The following SNX1 variants were observed in gnomAD, a reference collection of about 807,000 sequenced individuals.
The protein encoded by SNX1 is sorting nexin-1.
Under a neutral mutation model 71.8 loss-of-function variants are expected in SNX1, and 36 were observed. That is an observed-to-expected ratio of 0.50 (90% CI 0.38 to 0.66). The LOEUF is 0.66. Among genes scored for constraint, SNX1 ranks in the 30% least tolerant of loss-of-function variants. The pLI, the probability that SNX1 is intolerant of heterozygous loss-of-function variation, is 0.00. For missense variants in SNX1, 612 were observed against 646.7 expected (o/e 0.95, Z 0.58); for synonymous variants, 254 against 240.7 (o/e 1.06, Z -0.51).
At position 64,131,574 on chromosome 15, in the gene SNX1, GT is replaced by G. The variant is rs1848060447; in HGVS notation, c.1016-111del. The G allele has an allele frequency of 2.1e-5, 20 of 952,230 alleles. 1 individual carries two copies. The South Asian group carries it at 3.0e-4, about 14-fold the overall frequency. The allele number at this position is 952,230 out of a possible 1,614,324, so 59.0% of individuals were successfully genotyped here. A position where few individuals can be genotyped will look rare whatever the true frequency, so the allele number is the denominator to read the frequency against. On this transcript the variant is annotated intron_variant, in intron 10 of 14. Transcript: ENST00000559844. ...AAGTGACTGGGTTGCAGAGCCCTCA[GT>G]TCCCAGATATGCAGTGGGCGGCATT...
intron 4 of SNX1, among the ~76,000 whole-genome samples, chr15:64,122,659 T>G (rs1202045942): frequency 6.6e-6 from 1 of 151,990 alleles, no homozygotes; most frequent in Non-Finnish European, 1.5e-5. Context: ...CGGTTTGATG[T>G]GGGAAGGAAT....
At chr15:64,118,904 G>T in intron 4 of SNX1, 50 bp downstream of exon 4, 1 of 1,419,138 alleles carries the variant, frequency 7.0e-7, no homozygotes. Context: ...GCTGTGGAAA[G>T]CATAGGTAGC....
At chr15:64,135,496 G>A (rs2081349811) in intron 12 of SNX1, among the ~76,000 whole-genome samples, 1 of 148,690 alleles carries the variant, frequency 6.7e-6, no homozygotes, top group Non-Finnish European at 1.5e-5. Context: ...GGTGGCTCAC[G>A]CCTGTAATAC....
intron 1 of SNX1, among the ~76,000 whole-genome samples, chr15:64,103,899 CTAGTT>C (rs201725246): frequency 6.6e-6 from 1 of 152,094 alleles, no homozygotes; most frequent in African/African-American, 2.4e-5. Flanking sequence ...TGTTTAGTTA[CTAGTT>C]TAGTCATTTA....
In SNX1 at chr15:64,138,527, T is replaced by A; in HGVS notation, c.*909T>A. Reference sequence around the variant, plus strand: ...GTGTGAAGGTCTGATAATGACTTGATGCTTTGTCTCCATAGACATGAAAGC... The same window carrying A: ...GTGTGAAGGTCTGATAATGACTTGAAGCTTTGTCTCCATAGACATGAAAGC... On this transcript the variant is annotated 3_prime_UTR_variant, in exon 15 of 15. Coordinates refer to ENST00000559844, the MANE Select transcript of SNX1 (RefSeq NM_003099.5). The A allele has an allele frequency of 4.7e-6, 1 of 212,770 alleles. No individual in the cohort carries two copies. The highest frequency in any genetic ancestry group is 1.1e-4 in the East Asian group (1 of 9,300). 13.2% of individuals were successfully genotyped at this position (212,770 alleles called of 1,614,324 possible).
At chr15:64,126,004 T>C in intron 5 of SNX1, 75 bp from the exon 6 acceptor site, 2 of 1,487,804 alleles carry the variant, frequency 1.3e-6, no homozygotes, top group Non-Finnish European at 1.9e-6. Context: ...GTTTCTTTAA[T>C]GTCAATAGGA....
rs1254689405 is a variant in SNX1, at chr15:64,112,645, C to A, written c.232C>A (p.His78Asn). ...CAATGGCTCCAAAGAAAATGGGATCCATGAAGAACAAGACCAAGAGCCACA... is the reference window on the plus strand; with the variant it reads ...CAATGGCTCCAAAGAAAATGGGATCAATGAAGAACAAGACCAAGAGCCACA... ...INNGSKENGI[H>N]EEQDQEPQDL... The change falls in exon 2 of 15, where the codon CAT (histidine) becomes AAT (asparagine). Residue 78 changes from histidine (H) to asparagine (N), a missense_variant. Around this residue, in one of 2 missense-constraint regions of SNX1, gnomAD observed 316 missense variants for 284.9 expected, o/e 1.11. Transcript: ENST00000559844. 1 of 1,613,070 alleles carries A rather than the reference C, an allele frequency of 6.2e-7. No homozygotes were observed. The highest frequency in any genetic ancestry group is 8.5e-7 in the Non-Finnish European group (1 of 1,179,632).
intron 1 of SNX1, among the ~76,000 whole-genome samples, chr15:64,096,840 A>T (rs562083305): frequency 1.6e-4 from 24 of 152,334 alleles, no homozygotes; most frequent in Non-Finnish European, 3.1e-4. Flanking sequence ...CTGAAATGTG[A>T]TGAGGAAATG....
intron 1 of SNX1, among the ~76,000 whole-genome samples, chr15:64,102,668 G>A (rs2080974997): frequency 6.6e-6 from 1 of 150,788 alleles, no homozygotes; most frequent in African/African-American, 2.4e-5. Context: ...TTAACGTAAT[G>A]ACCTCCAGTT....
intron 2 of SNX1, among the ~76,000 whole-genome samples, chr15:64,116,777 G>T (rs1330701179): frequency 6.6e-6 from 1 of 152,166 alleles, no homozygotes; most frequent in Non-Finnish European, 1.5e-5. Flanking sequence ...AGTTGAAAGT[G>T]CATTCTTTTT....
rs1177717232 is a variant in SNX1 at position 64,137,938 on chromosome 15, G to A, written c.*320G>A. ...TTTCAGGATGTGGTTTAGGAACTGGGAATAACGTTTTCTGTTACTCCTGAT... is the reference window on the plus strand; with the variant it reads ...TTTCAGGATGTGGTTTAGGAACTGGAAATAACGTTTTCTGTTACTCCTGAT... On this transcript the variant is annotated 3_prime_UTR_variant, in exon 15 of 15. Transcript: ENST00000559844. 2 of 1,419,758 alleles carry A rather than the reference G, an allele frequency of 1.4e-6. No individual in the cohort carries two copies. The highest frequency in any genetic ancestry group is 1.8e-6 in the Non-Finnish European group (2 of 1,094,236). The allele number at this position is 1,419,758 out of a possible 1,614,324, so 87.9% of individuals were successfully genotyped here. A position where few individuals can be genotyped will look rare whatever the true frequency, so the allele number is the denominator to read the frequency against.
chr15:64,109,725 C>T (rs2081059711), intron 1 of SNX1, among the ~76,000 whole-genome samples: 1 of 152,118 alleles, frequency 6.6e-6, no homozygotes, highest in Non-Finnish European at 1.5e-5. Flanking sequence ...CCAGGCTGGT[C>T]TCAAACTCCT....
At chr15:64,118,379 GC>G in intron 3 of SNX1, 135 bp downstream of exon 3, 1 of 983,478 alleles carries the variant, frequency 1.0e-6, no homozygotes, top group Non-Finnish European at 1.5e-6. Context: ...TTAATGGACA[GC>G]CAGAATCCAA....
intron 1 of SNX1, among the ~76,000 whole-genome samples, chr15:64,102,371 C>A (rs2080970865): frequency 9.8e-6 from 1 of 101,886 alleles, no homozygotes; most frequent in Non-Finnish European, 2.8e-5. Flanking sequence ...TTCATCACCT[C>A]AAACATTTAT....
At chr15:64,115,102 A>G (rs1005280277) in intron 2 of SNX1, among the ~76,000 whole-genome samples, 2 of 152,234 alleles carry the variant, frequency 1.3e-5, no homozygotes, top group African/African-American at 4.8e-5. Context: ...CATTTATATG[A>G]TCTTTCATTA....
intron 10 of SNX1, among the ~76,000 whole-genome samples, chr15:64,130,821 A>T (rs1281406532): frequency 1.3e-5 from 2 of 152,250 alleles, no homozygotes; most frequent in Non-Finnish European, 2.9e-5. Context: ...GACCCATAGC[A>T]TGAGGCCAGG....
intron 14 of SNX1, among the ~76,000 whole-genome samples, chr15:64,137,277 G>C (rs2081368699): frequency 1.3e-5 from 2 of 152,254 alleles, no homozygotes; most frequent in South Asian, 2.1e-4. Context: ...TGGCCCCACT[G>C]TGAGGAACTA....
Position 64,124,147 on chromosome 15 carries a change from C to CATATATATATATATATATATATAT in SNX1, c.510+610_510+633dup, listed in dbSNP as rs10523424. On this transcript the variant is annotated intron_variant, in intron 5 of 14. Transcript: ENST00000559844. ...TCATTTCCTTTATAAGAAATCTTTA[C>CATATATATATATATATATATATAT]ATATATATATATATATATATATATA... Among the ~76,000 whole-genome samples, 86 of 105,368 alleles carry CATATATATATATATATATATATAT rather than the reference C, an allele frequency of 8.2e-4. 2 individuals are homozygous for CATATATATATATATATATATATAT. The highest frequency in any genetic ancestry group is 1.7e-3 in the African/African-American group (21 of 12,616). The allele number at this position is 105,368 out of a possible 152,430, so 69.1% of individuals were successfully genotyped here.
At chr15:64,135,085 G>A in intron 12 of SNX1, 1 of 404,384 alleles carries the variant, frequency 2.5e-6, no homozygotes, top group African/African-American at 2.1e-5. Context: ...AGGCCAAGGT[G>A]GGCGGATCAC....
Sources: gnomAD v4.1 joint callset for allele counts (sites outside exome capture counted in the v4.1 genomes callset) on GRCh38, gnomAD v4.1.1 for gene constraint, gnomAD v4.1.1 regional missense constraint, MANE v1.5 for transcripts, NCBI Gene and HGNC (gene_info 2026-07-23, HGNC 2026-07-21) for gene names.